The following CHL1 variants were observed in gnomAD, a reference collection of about 807,000 sequenced individuals.
CHL1 encodes the protein cell adhesion molecule L1 like.
Under a neutral mutation model 141.9 loss-of-function variants are expected in CHL1, and 96 were observed. That is an observed-to-expected ratio of 0.68 (90% confidence interval 0.57 to 0.80). CHL1 has a LOEUF of 0.80. Among genes scored for constraint, CHL1 ranks in the 30% least tolerant of loss-of-function variants. The pLI is 0.00. For synonymous variants in CHL1, 613 were observed against 502.2 expected (o/e 1.22, Z -2.95); for missense variants, 1,820 against 1,457.2 (o/e 1.25, Z -4.05).
intron 15 of CHL1, among the ~76,000 whole-genome samples, chr3:366,450 G>T (rs542882727): frequency 1.9e-3 from 276 of 145,372 alleles, no homozygotes; most frequent in African/African-American, 6.4e-3. Context: ...CAGCCTGGGG[G>T]ACAGAGAGAG....
chr3:342,253 T>C (rs9877555), intron 7 of CHL1, among the ~76,000 whole-genome samples, 171 bp downstream of exon 7: 151,229 of 152,346 alleles, frequency 0.99, 75,071 homozygotes, highest in Non-Finnish European at 1. Context: ...AGATTCACGG[T>C]AGCTCTGTCT....
At chr3:353,339 G>A (rs1385634773) in intron 10 of CHL1, among the ~76,000 whole-genome samples, 1 of 151,902 alleles carries the variant, frequency 6.6e-6, no homozygotes, top group Non-Finnish European at 1.5e-5. Context: ...TATATTGGTT[G>A]TATTAAAATA....
chr3:330,200 T>C (rs1035516819), intron 5 of CHL1, among the ~76,000 whole-genome samples: 1 of 152,134 alleles, frequency 6.6e-6, no homozygotes, highest in East Asian at 1.9e-4. Flanking sequence ...AAAAAACTTA[T>C]ATCTTTGAAA....
chr3:370,172 G>A (rs768640136), intron 15 of CHL1, among the ~76,000 whole-genome samples: 1 of 152,136 alleles, frequency 6.6e-6, no homozygotes, highest in Non-Finnish European at 1.5e-5. Context: ...AGAAGGAATG[G>A]TATCAGCTCC....
intron 11 of CHL1, among the ~76,000 whole-genome samples, chr3:359,474 T>C (rs1377718559): frequency 4.6e-5 from 7 of 152,074 alleles, no homozygotes; most frequent in African/African-American, 1.7e-4. Context: ...GGCTGATTTT[T>C]GTATTTTTAG....
intron 2 of CHL1, among the ~76,000 whole-genome samples, chr3:257,183 C>A (rs552894908): frequency 6.6e-6 from 1 of 151,952 alleles, no homozygotes; most frequent in Non-Finnish European, 1.5e-5. Context: ...AATGATCATA[C>A]GTAATCTAAG....
At chr3:336,619 A>G (rs1701885534) in intron 5 of CHL1, among the ~76,000 whole-genome samples, 1 of 152,190 alleles carries the variant, frequency 6.6e-6, no homozygotes, top group African/African-American at 2.4e-5. Context: ...AAAGGTAAAG[A>G]TATTGGTCTG....
intron 2 of CHL1, among the ~76,000 whole-genome samples, chr3:253,135 C>T (rs752071121): frequency 6.6e-6 from 1 of 152,072 alleles, no homozygotes; most frequent in Non-Finnish European, 1.5e-5. Flanking sequence ...GTAGTCCTTA[C>T]AGAGTTTATT....
chr3:198,084 C>G (rs1698539895), intron 1 of CHL1: 1 of 286,468 alleles, frequency 3.5e-6, no homozygotes, highest in Non-Finnish European at 7.0e-6. Flanking sequence ...AGCAGCCGCG[C>G]GGGCCCAGGT....
intron 2 of CHL1, among the ~76,000 whole-genome samples, chr3:296,235 A>G (rs1698175979): frequency 6.6e-6 from 1 of 152,158 alleles, no homozygotes; most frequent in African/African-American, 2.4e-5. Flanking sequence ...TCATTCAGTT[A>G]AGACCTATCC....
chr3:281,803 G>C (rs1422341861), intron 2 of CHL1, among the ~76,000 whole-genome samples: 2 of 152,022 alleles, frequency 1.3e-5, no homozygotes, highest in Non-Finnish European at 2.9e-5. Context: ...CAAGTGATCT[G>C]CTTGCCTTGG....
At chr3:205,177 C>A (rs548923000) in intron 1 of CHL1, among the ~76,000 whole-genome samples, 1 of 146,308 alleles carries the variant, frequency 6.8e-6, no homozygotes, top group South Asian at 2.1e-4. Flanking sequence ...GTGGTATGGT[C>A]ATCGCTCACT....
intron 2 of CHL1, among the ~76,000 whole-genome samples, chr3:305,128 G>C (rs1396056026): frequency 6.6e-6 from 1 of 152,116 alleles, no homozygotes; most frequent in Non-Finnish European, 1.5e-5. Context: ...TGATATGTTA[G>C]TAGAAAAGAA....
At chr3:276,715 C>CCT (rs1279354376) in intron 2 of CHL1, among the ~76,000 whole-genome samples, 1 of 151,682 alleles carries the variant, frequency 6.6e-6, no homozygotes, top group Non-Finnish European at 1.5e-5. Flanking sequence ...GGGTGAAATC[C>CCT]CTTCTCTACT....
intron 5 of CHL1, among the ~76,000 whole-genome samples, chr3:339,331 G>C (rs1429357641): frequency 1.3e-5 from 2 of 152,202 alleles, no homozygotes; most frequent in Non-Finnish European, 2.9e-5. Flanking sequence ...TAGCTGGCAT[G>C]ATGTTTTATC....
At chr3:197,664 C>CA (rs1559254412) in intron 1 of CHL1, 1 of 369,296 alleles carries the variant, frequency 2.7e-6, no homozygotes, top group African/African-American at 2.1e-5. Flanking sequence ...CAGCCTGGAG[C>CA]GGGGAATCCA....
chr3:284,157 A>G (rs544404761), intron 2 of CHL1, among the ~76,000 whole-genome samples: 1 of 152,298 alleles, frequency 6.6e-6, no homozygotes, highest in Admixed American at 6.5e-5. Flanking sequence ...AACGAAACAA[A>G]AGATATTACT....
chr3:333,239 C>T lies in CHL1; in HGVS notation c.385+4885C>T, dbSNP rs138674200. Among the ~76,000 whole-genome samples the T allele has an allele frequency of 8.7e-5, 13 of 149,200 alleles. 1 individual carries two copies. The East Asian group carries it at 9.9e-4, about 11-fold the overall frequency. ...TACTTCATCATCTGACAGCTTTCTGCAACCATCTATATATTGAATAGTAAC... is the reference window on the plus strand; with the variant it reads ...TACTTCATCATCTGACAGCTTTCTGTAACCATCTATATATTGAATAGTAAC... On this transcript the variant is annotated intron_variant, in intron 5 of 27. Transcript: ENST00000256509.
At position 344,725 on chromosome 3, in the gene CHL1, C is replaced by A; in HGVS notation, c.848+16C>A. 1.2e-6 allele frequency: 2 copies of A among 1,612,690 alleles called. No individual in the cohort carries two copies. Among genetic ancestry groups the A allele is most frequent in the East Asian group, 2.2e-5 (1 of 44,844 alleles). On this transcript the variant is annotated intron_variant, in intron 9 of 27. Transcript: ENST00000256509. ...CTGAAGGCTTGTGAGTAACCTGACT[C>A]TCACTCATGACTTTGTCCATCCAGT...
Sources: gnomAD v4.1 joint callset for allele counts (sites outside exome capture counted in the v4.1 genomes callset) on GRCh38, gnomAD v4.1.1 for gene constraint, MANE v1.5 for transcripts, NCBI Gene and HGNC (gene_info 2026-07-23, HGNC 2026-07-21) for gene names.